IQCK: variants seen among roughly 807,000 people sequenced by gnomAD.
IQCK encodes IQ domain-containing protein K.
In IQCK, 29 loss-of-function variants were observed where a neutral mutation model predicts 28.1. The observed-to-expected ratio is 1.03, with a 90% CI of 0.77 to 1.41. The LOEUF (loss-of-function observed/expected upper bound fraction) is 1.41. Ranked by LOEUF, IQCK falls within the 40% of genes most tolerant of loss-of-function variation. The pLI is 0.00. For missense variants in IQCK, 359 were observed against 314.7 expected (o/e 1.14, Z -1.07); for synonymous variants, 113 against 115.1 (o/e 0.98, Z 0.12).
chr16:19,734,691 A>G (rs532709134), intron 3 of IQCK, among the ~76,000 whole-genome samples: 1 of 147,806 alleles, frequency 6.8e-6, no homozygotes, highest in Non-Finnish European at 1.5e-5. Context: ...TAAGGTGGGA[A>G]GATTGCTTGA....
intron 4 of IQCK, among the ~76,000 whole-genome samples, chr16:19,740,309 T>G (rs141266060): frequency 2.6e-4 from 39 of 152,320 alleles, no homozygotes; most frequent in Admixed American, 4.6e-4. Context: ...ACTGCTATGA[T>G]CATCATCAGA....
intron 7 of IQCK, among the ~76,000 whole-genome samples, chr16:19,820,403 A>G (rs922842598): frequency 6.6e-6 from 1 of 152,158 alleles, no homozygotes; most frequent in Non-Finnish European, 1.5e-5. Context: ...TAATCCCAGC[A>G]CTTTGGGAGG....
At chr16:19,733,554 A>G in intron 2 of IQCK, 144 bp from the exon 3 acceptor site, 2 of 847,960 alleles carry the variant, frequency 2.4e-6, no homozygotes, top group East Asian at 2.6e-5. Context: ...TCAGGAGGGA[A>G]GGGAGACAAA....
Position 19,827,021 on chromosome 16 carries a change from T to A in IQCK, c.691-5T>A. On this transcript the variant is annotated splice_region_variant and splice_polypyrimidine_tract_variant and intron_variant, in intron 7 of 7. Transcript: ENST00000564186. ...AGGGACTAAAGTTTTACTGGGATTT[T>A]CCAGGTTCGCTGTGATCCTGAGATT... 1 of 1,605,484 alleles carries A rather than the reference T, an allele frequency of 6.2e-7. No individual in the cohort carries two copies. The highest frequency in any genetic ancestry group is 8.5e-7 in the Non-Finnish European group (1 of 1,172,122).
intron 9 of IQCK, among the ~76,000 whole-genome samples, chr16:19,855,936 T>A (rs1258532469): frequency 1.3e-5 from 2 of 152,162 alleles, no homozygotes; most frequent in African/African-American, 4.8e-5. Context: ...GGCTTTTATC[T>A]GTTGGGATTA....
intron 7 of IQCK, among the ~76,000 whole-genome samples, chr16:19,818,756 A>G (rs1460595372): frequency 6.6e-6 from 1 of 152,148 alleles, no homozygotes; most frequent in Non-Finnish European, 1.5e-5. Context: ...GTAAACTTCC[A>G]TTTGTAAGTT....
intron 7 of IQCK, among the ~76,000 whole-genome samples, chr16:19,804,633 C>T (rs2055810596): frequency 6.6e-6 from 1 of 151,952 alleles, no homozygotes; most frequent in South Asian, 2.1e-4. Flanking sequence ...ACGAGTCTTG[C>T]CATGTTGCCT....
At chr16:19,748,530 G>C (rs1477189200) in intron 4 of IQCK, among the ~76,000 whole-genome samples, 1 of 152,182 alleles carries the variant, frequency 6.6e-6, no homozygotes, top group East Asian at 1.9e-4. Flanking sequence ...CAAAACTTAA[G>C]AGTGTCTGGC....
intron 7 of IQCK, among the ~76,000 whole-genome samples, chr16:19,791,149 C>CAGT (rs2055611118): frequency 2.8e-5 from 1 of 36,096 alleles, no homozygotes; most frequent in Non-Finnish European, 4.1e-5. Context: ...GTGGCTCACA[C>CAGT]CTGTAATCCC....
downstream of IQCK, among the ~76,000 whole-genome samples, chr16:19,828,114 T>C (rs1209603133): frequency 6.6e-6 from 1 of 151,976 alleles, no homozygotes; most frequent in Non-Finnish European, 1.5e-5. Context: ...GGTTTCACCA[T>C]GTTGGCCAGG....
intron 6 of IQCK, among the ~76,000 whole-genome samples, chr16:19,780,432 A>G (rs2055463960): frequency 6.6e-6 from 1 of 152,018 alleles, no homozygotes; most frequent in African/African-American, 2.4e-5. Flanking sequence ...TGGCCTCTCT[A>G]AGTGCTGGGA....
chr16:19,838,692 T>C (rs2056327098), intron 9 of IQCK, among the ~76,000 whole-genome samples: 2 of 152,138 alleles, frequency 1.3e-5, no homozygotes, highest in African/African-American at 4.8e-5. Flanking sequence ...ATATATTATT[T>C]CTAATCTTCA....
chr16:19,857,551 C>G (rs1682691964), exon 10 of IQCK: 1 of 377,150 alleles, frequency 2.7e-6, no homozygotes, highest in African/African-American at 2.2e-5. Context: ...TGAGCCTTAG[C>G]TCTTCATCAG....
At chr16:19,755,038 A>G (rs1275604048) in intron 4 of IQCK, among the ~76,000 whole-genome samples, 1 of 152,174 alleles carries the variant, frequency 6.6e-6, no homozygotes, top group Non-Finnish European at 1.5e-5. Flanking sequence ...AAAAAATGTG[A>G]ATACCTGTTT....
chr16:19,832,473 G>A (rs2056244103), intron 9 of IQCK, among the ~76,000 whole-genome samples: 1 of 151,886 alleles, frequency 6.6e-6, no homozygotes. Flanking sequence ...GTGGTTTTTA[G>A]TAGTTACGGA....
At chr16:19,735,306 CG>C in intron 3 of IQCK, 46 bp from the exon 4 acceptor site, 1 of 1,283,786 alleles carries the variant, frequency 7.8e-7, no homozygotes. Context: ...CAGATTGGCT[CG>C]GGCCACTGGG....
rs544618111 is a variant in IQCK at position 19,781,741 on chromosome 16, C to T, written c.606-7097C>T. On this transcript the variant is annotated intron_variant, in intron 6 of 7. Coordinates refer to ENST00000564186, the Ensembl canonical transcript of IQCK. ...TGGTGGCTCACGCCTGTAATCCCAGCACCTTGGGAGGCTGAGGCAGGTGGA... is the reference window on the plus strand; with the variant it reads ...TGGTGGCTCACGCCTGTAATCCCAGTACCTTGGGAGGCTGAGGCAGGTGGA... Among the ~76,000 whole-genome samples, 3 of 152,306 alleles carry T rather than the reference C, an allele frequency of 2.0e-5. No individual in the cohort carries two copies. The South Asian group carries it at 6.2e-4, about 32-fold the overall frequency.
intron 7 of IQCK, among the ~76,000 whole-genome samples, chr16:19,809,613 C>A (rs1197268833): frequency 6.6e-6 from 1 of 152,218 alleles, no homozygotes; most frequent in Admixed American, 6.5e-5. Context: ...CAGTCATGAG[C>A]CTTGCCTAGA....
chr16:19,773,019 T>G (rs1410206846), intron 6 of IQCK, among the ~76,000 whole-genome samples: 2 of 151,710 alleles, frequency 1.3e-5, no homozygotes, highest in East Asian at 1.9e-4. Flanking sequence ...TAATAATAAT[T>G]AAAAAAACAT....
Sources: gnomAD v4.1 joint callset for allele counts (sites outside exome capture counted in the v4.1 genomes callset) on GRCh38, gnomAD v4.1.1 for gene constraint, MANE v1.5 for transcripts, NCBI Gene and HGNC (gene_info 2026-07-23, HGNC 2026-07-21) for gene names.